The following FRY variants were observed in gnomAD, a reference collection of about 807,000 sequenced individuals.
FRY encodes protein furry homolog.
Under a neutral mutation model 348.4 loss-of-function variants are expected in FRY, and 128 were observed. The ratio of observed to expected loss-of-function variants is 0.37; its 90% CI spans 0.32 to 0.43. The LOEUF (loss-of-function observed/expected upper bound fraction) is 0.43. Among genes scored for constraint, FRY ranks in the 20% least tolerant of loss-of-function variants. The pLI is 1.00. For missense variants in FRY, 2,736 were observed against 3,695.2 expected (o/e 0.74, Z 6.73); for synonymous variants, 1,370 against 1,374.7 (o/e 1.00, Z 0.08).
intron 17 of FRY, among the ~76,000 whole-genome samples, chr13:32,162,419 G>A (rs1363509325): frequency 6.6e-6 from 1 of 152,128 alleles, no homozygotes; most frequent in East Asian, 1.9e-4. Context: ...GGCCTCCTGA[G>A]GCTCTGAGTG....
chr13:32,234,588 C>T lies in FRY; in HGVS notation c.5542C>T (p.His1848Tyr). Residue 1848 changes from histidine (H) to tyrosine (Y), a missense_variant, in exon 42 of 61, where the codon CAC (histidine) becomes TAC (tyrosine). Around this residue, in one of 9 missense-constraint regions of FRY, gnomAD observed 794 missense variants for 977.0 expected, o/e 0.81. Transcript: ENST00000542859. ...TGTTACCCTAGGCTTCCATCTGGAG[C>T]ACCAGTTGAGTGAAGTTGCATTGCA... ...KDSKSGFHLEHQLSEVALQTA... is the reference protein window; with the variant it reads ...KDSKSGFHLEYQLSEVALQTA... The T allele has an allele frequency of 3.1e-6, 5 of 1,613,956 alleles. No individual in the cohort carries two copies. Among genetic ancestry groups the T allele is most frequent in the Non-Finnish European group, 4.2e-6 (5 of 1,179,912 alleles).
chr13:32,227,971 C>T (rs899445203), intron 39 of FRY, among the ~76,000 whole-genome samples: 38 of 152,086 alleles, frequency 2.5e-4, no homozygotes, highest in African/African-American at 6.8e-4. Context: ...AGGATGGTCT[C>T]GATCTCCTGA....
At chr13:32,278,362 C>T in intron 57 of FRY, 103 bp from the exon 58 acceptor site, 7 of 744,440 alleles carry the variant, frequency 9.4e-6, no homozygotes, top group Non-Finnish European at 1.7e-5. Context: ...TTTCATTTTA[C>T]TATTATTAGA....
chr13:32,280,975 TCAAA>T (rs1468991827), intron 58 of FRY, among the ~76,000 whole-genome samples: 1 of 152,212 alleles, frequency 6.6e-6, no homozygotes, highest in Non-Finnish European at 1.5e-5. Context: ...TTTACCTTCC[TCAAA>T]CAAATGTTTA....
At chr13:32,155,928 G>A (rs902361245) in intron 15 of FRY, among the ~76,000 whole-genome samples, 3 of 152,068 alleles carry the variant, frequency 2.0e-5, no homozygotes, top group African/African-American at 7.2e-5. Flanking sequence ...TGATTACTAC[G>A]TTTTTCAGTA....
At chr13:32,175,214 C>A (rs556671043) in intron 19 of FRY, among the ~76,000 whole-genome samples, 1 of 152,244 alleles carries the variant, frequency 6.6e-6, no homozygotes, top group South Asian at 2.1e-4. Flanking sequence ...AATTTCTACT[C>A]CTCGAAATTA....
intron 58 of FRY, among the ~76,000 whole-genome samples, chr13:32,280,843 A>G (rs1186751664): frequency 6.6e-6 from 1 of 152,224 alleles, no homozygotes; most frequent in African/African-American, 2.4e-5. Flanking sequence ...AATTCCAGTT[A>G]ACTTATCCTA....
chr13:32,241,500 G>C (rs1367845841), intron 46 of FRY, among the ~76,000 whole-genome samples: 1 of 152,220 alleles, frequency 6.6e-6, no homozygotes, highest in Non-Finnish European at 1.5e-5. Flanking sequence ...ACTCAGGGCA[G>C]TTCGTAGTGG....
intron 46 of FRY, among the ~76,000 whole-genome samples, chr13:32,241,534 G>T (rs968470196): frequency 2.6e-5 from 4 of 152,194 alleles, no homozygotes; most frequent in African/African-American, 9.6e-5. Flanking sequence ...TGTGGGTACA[G>T]AATTTCAGTT....
chr13:32,050,099 A>G (rs1231301613), intron 1 of FRY, among the ~76,000 whole-genome samples: 1 of 152,206 alleles, frequency 6.6e-6, no homozygotes, highest in East Asian at 1.9e-4. Flanking sequence ...TTTTATAGTT[A>G]TTCCCAGGTC....
intron 58 of FRY, among the ~76,000 whole-genome samples, chr13:32,284,737 T>G (rs1416580825): frequency 6.6e-6 from 1 of 152,224 alleles, no homozygotes; most frequent in Non-Finnish European, 1.5e-5. Context: ...TTATTTAAAT[T>G]TTATCTCATT....
chr13:32,175,168 T>G (rs1347548055), intron 19 of FRY, among the ~76,000 whole-genome samples: 2 of 152,208 alleles, frequency 1.3e-5, no homozygotes, highest in Non-Finnish European at 2.9e-5. Flanking sequence ...ATAAGTAGCA[T>G]TTTAGTTAGC....
At chr13:32,203,155 A>G (rs1884141963) in intron 31 of FRY, among the ~76,000 whole-genome samples, 1 of 152,246 alleles carries the variant, frequency 6.6e-6, no homozygotes, top group African/African-American at 2.4e-5. Flanking sequence ...CATACATTAT[A>G]TATATAAATT....
At chr13:32,096,240 G>A (rs1424695621) in intron 2 of FRY, among the ~76,000 whole-genome samples, 1 of 152,164 alleles carries the variant, frequency 6.6e-6, no homozygotes, top group African/African-American at 2.4e-5. Context: ...ATGTGAACCT[G>A]ATTCTCTGTT....
At chr13:32,221,733 G>A (rs1163870032) in intron 36 of FRY, among the ~76,000 whole-genome samples, 2 of 152,180 alleles carry the variant, frequency 1.3e-5, no homozygotes, top group East Asian at 1.9e-4. Flanking sequence ...CACTGGTCTT[G>A]AACTCCTGCC....
chr13:32,157,723 T>C (rs1244196572), intron 16 of FRY, among the ~76,000 whole-genome samples: 1 of 152,204 alleles, frequency 6.6e-6, no homozygotes, highest in Middle Eastern at 3.2e-3. Context: ...CATAGTGACA[T>C]CCCAAATTTA....
chr13:32,148,440 G>A (rs1880588459), intron 13 of FRY, among the ~76,000 whole-genome samples: 1 of 152,228 alleles, frequency 6.6e-6, no homozygotes. Flanking sequence ...ACTGTTCTAA[G>A]TGCTTTGTGT....
intron 46 of FRY, among the ~76,000 whole-genome samples, chr13:32,241,997 T>C (rs1886536561): frequency 6.6e-6 from 1 of 152,210 alleles, no homozygotes; most frequent in Non-Finnish European, 1.5e-5. Flanking sequence ...TTATTAACTG[T>C]GTGTGTATAT....
rs551879923 is a variant in FRY, at chr13:32,261,756, C to T, written c.7557C>T (p.Ser2519=). ...PSLNKMHHED[S]DESSEEEDLT... ...TGAATAAAATGCACCATGAGGACTC[C>T]GATGAATCATCCGAGGAGGAGGACC... Residue 2519 remains serine (S), a synonymous_variant, in exon 52 of 61, where the codon TCC becomes TCT. Transcript: ENST00000542859. 6.8e-6 allele frequency: 11 copies of T among 1,614,094 alleles called. No individual in the cohort carries two copies. In the East Asian group the frequency reaches 8.9e-5, roughly 13 times the overall value.
Sources: gnomAD v4.1 joint callset for allele counts (sites outside exome capture counted in the v4.1 genomes callset) on GRCh38, gnomAD v4.1.1 for gene constraint, gnomAD v4.1.1 regional missense constraint, MANE v1.5 for transcripts, NCBI Gene and HGNC (gene_info 2026-07-23, HGNC 2026-07-21) for gene names.